PCDHA12: variants seen among roughly 807,000 people sequenced by gnomAD.
PCDHA12 encodes the protein protocadherin alpha 12.
PCDHA12 carries 44 observed loss-of-function variants against 60.0 expected under a neutral mutation model. That is an observed-to-expected ratio of 0.73 (90% CI 0.58 to 0.94). PCDHA12 has a LOEUF of 0.94. PCDHA12 is among the 40% of genes least tolerant of loss of function. The pLI, the probability that PCDHA12 is intolerant of heterozygous loss-of-function variation, is 0.00. For synonymous variants in PCDHA12, 569 were observed against 553.0 expected, an observed-to-expected ratio of 1.03 and a Z score of -0.40; for missense variants, 1,276 against 1,239.7, an observed-to-expected ratio of 1.03 and a Z score of -0.44.
At chr5:140,881,623 A>G (rs1179461885) in intron 1 of PCDHA12, among the ~76,000 whole-genome samples, 1 of 152,188 alleles carries the variant, frequency 6.6e-6, no homozygotes, top group East Asian at 1.9e-4. Flanking sequence ...TCAAAATCTG[A>G]TATATCAGTT....
chr5:140,915,283 C>T (rs1395177735), intron 1 of PCDHA12, among the ~76,000 whole-genome samples: 1 of 152,068 alleles, frequency 6.6e-6, no homozygotes, highest in African/African-American at 2.4e-5. Context: ...ATCATTTACT[C>T]TTTCTACTTA....
intron 1 of PCDHA12, chr5:140,966,660 A>G: frequency 8.2e-7 from 1 of 1,217,300 alleles, no homozygotes; most frequent in Non-Finnish European, 1.1e-6. Context: ...GCGGTGGGGG[A>G]GCAGGCGCAG....
intron 3 of PCDHA12, among the ~76,000 whole-genome samples, chr5:140,992,128 G>GACTGATGAT (rs2097493639): frequency 6.6e-6 from 1 of 151,816 alleles, no homozygotes; most frequent in Non-Finnish European, 1.5e-5. Context: ...GAAGAACAGT[G>GACTGATGAT]ACTGATGATG....
chr5:140,904,195 C>T (rs1554191353), intron 1 of PCDHA12, among the ~76,000 whole-genome samples: 1 of 151,930 alleles, frequency 6.6e-6, no homozygotes, highest in Admixed American at 6.6e-5. Context: ...CCCACCCTTT[C>T]CCCCTAAGTC....
chr5:140,875,521 T>C lies in PCDHA12; in HGVS notation c.49T>C (p.Ser17Pro), dbSNP rs2055562442. Residue 17 changes from serine (S) to proline (P), a missense_variant, in exon 1 of 4, where the codon TCG becomes CCG. Transcript: ENST00000398631. ...CCCGGGATCCCAGCGTCTGCTGCTC[T>C]CGCTTCTGCTCCTTGCAGCCTGGGA... ...RGPGSQRLLL[S>P]LLLLAAWEVG... 1.2e-6 allele frequency: 2 copies of C among 1,614,014 alleles called. No individual in the cohort carries two copies. The highest frequency in any genetic ancestry group is 1.7e-6 in the Non-Finnish European group (2 of 1,179,912).
chr5:140,965,954 C>A lies in PCDHA12; in HGVS notation c.2368-12995C>A, dbSNP rs567785452. Among the ~76,000 whole-genome samples the A allele has an allele frequency of 9.8e-4, 149 of 152,300 alleles. 1 individual carries two copies. The highest frequency in any genetic ancestry group is 1.7e-3 in the Non-Finnish European group (115 of 68,034). The stretch of plus-strand genomic sequence containing the variant: ...GGAAAGAGGGCAGCATTTGCCATCC[C>A]CCTCCTTTTGCCCTAGGAGTTGAGC... On this transcript the variant is annotated intron_variant, in intron 1 of 3. Coordinates refer to ENST00000398631, the MANE Select transcript of PCDHA12 (RefSeq NM_018903.4).
intron 1 of PCDHA12, among the ~76,000 whole-genome samples, chr5:140,924,668 G>T (rs2081943079): frequency 6.6e-6 from 1 of 152,142 alleles, no homozygotes; most frequent in Non-Finnish European, 1.5e-5. Context: ...GCCGAGGCAG[G>T]CCAATCACTT....
intron 1 of PCDHA12, among the ~76,000 whole-genome samples, chr5:140,977,356 T>C (rs1563455891): frequency 6.6e-6 from 1 of 152,250 alleles, no homozygotes; most frequent in African/African-American, 2.4e-5. Flanking sequence ...GACTGATTGA[T>C]AAAAAGTATT....
intron 1 of PCDHA12, chr5:140,926,614 C>A (rs2083406581): frequency 5.3e-6 from 2 of 377,642 alleles, no homozygotes; most frequent in Admixed American, 4.4e-5. Context: ...TCTCTGCACC[C>A]CTAGGCGGCG....
intron 1 of PCDHA12, among the ~76,000 whole-genome samples, chr5:140,950,049 CTATT>C (rs2094445672): frequency 1.3e-5 from 2 of 151,756 alleles, no homozygotes; most frequent in Non-Finnish European, 3.0e-5. Flanking sequence ...CCATATAAGA[CTATT>C]TAGCTCTTCC....
chr5:140,994,190 C>G (rs1377695035), intron 3 of PCDHA12, among the ~76,000 whole-genome samples: 1 of 152,136 alleles, frequency 6.6e-6, no homozygotes, highest in Non-Finnish European at 1.5e-5. Context: ...ACCACCAGGG[C>G]CTGTTGGTCC....
At chr5:140,961,888 T>C (rs1361187779) in intron 1 of PCDHA12, among the ~76,000 whole-genome samples, 8 of 124,918 alleles carry the variant, frequency 6.4e-5, no homozygotes, top group Non-Finnish European at 9.4e-5. Context: ...CTTACATCAG[T>C]TTTTTTTTTT....
intron 2 of PCDHA12, among the ~76,000 whole-genome samples, chr5:140,981,130 CAA>C (rs1267278229): frequency 6.6e-6 from 1 of 152,186 alleles, no homozygotes; most frequent in East Asian, 1.9e-4. Flanking sequence ...TGTTTGAAGT[CAA>C]AGAGTGAGAA....
At chr5:140,932,247 G>A (rs1463272112) in intron 1 of PCDHA12, among the ~76,000 whole-genome samples, 2 of 151,822 alleles carry the variant, frequency 1.3e-5, no homozygotes, top group Non-Finnish European at 3.0e-5. Context: ...ATCTAAGAGG[G>A]TACCTCTGAG....
chr5:140,967,240 C>T, intron 1 of PCDHA12: 1 of 1,613,644 alleles, frequency 6.2e-7, no homozygotes, highest in African/African-American at 1.3e-5. Flanking sequence ...TTCAGGTAAG[C>T]GAATCGGTGG....
At chr5:140,965,113 G>C (rs1343720863) in intron 1 of PCDHA12, among the ~76,000 whole-genome samples, 1 of 152,218 alleles carries the variant, frequency 6.6e-6, no homozygotes, top group Non-Finnish European at 1.5e-5. Context: ...ATGACCCATA[G>C]AGGAAGATCT....
rs782526620 is a variant in PCDHA12, at chr5:140,876,905, C to T, written c.1433C>T (p.Ser478Leu). The T allele has an allele frequency of 2.5e-6, 4 of 1,614,032 alleles. No homozygotes were observed. The highest frequency in any genetic ancestry group is 3.4e-6 in the Non-Finnish European group (4 of 1,179,960). Reference protein sequence around the residue: ...NPPGCHIFTVSAWDADAQKNA... With the variant: ...NPPGCHIFTVLAWDADAQKNA... Reference sequence around the variant, plus strand: ...CCGGGCTGCCACATCTTCACGGTGTCGGCATGGGACGCGGACGCGCAGAAG... The same window carrying T: ...CCGGGCTGCCACATCTTCACGGTGTTGGCATGGGACGCGGACGCGCAGAAG... Residue 478 changes from serine (S) to leucine (L), a missense_variant, in exon 1 of 4, where the codon TCG (serine) becomes TTG (leucine). By Grantham distance (145) the Ser-to-Leu change is moderately radical. Transcript: ENST00000398631.
chr5:140,905,771 G>A lies in PCDHA12; in HGVS notation c.2367+27932G>A, dbSNP rs112500166. ...TCACCTCCTTGGTTAAGTATATTCC[G>A]AAGTGTATTAGTCAGGGTTCTCTAG... is the stretch of plus-strand genomic sequence containing the variant. On this transcript the variant is annotated intron_variant, in intron 1 of 3. Coordinates refer to ENST00000398631, the MANE Select transcript of PCDHA12 (RefSeq NM_018903.4). Among the ~76,000 whole-genome samples the A allele has an allele frequency of 4.4e-3, 670 of 152,104 alleles. 7 individuals are homozygous for A. Among genetic ancestry groups the A allele is most frequent in the African/African-American group, 0.015 (623 of 41,484 alleles).
intron 2 of PCDHA12, among the ~76,000 whole-genome samples, chr5:140,980,956 C>T (rs2096912703): frequency 6.6e-6 from 1 of 152,110 alleles, no homozygotes; most frequent in Non-Finnish European, 1.5e-5. Flanking sequence ...AGGATAGTTA[C>T]ACCTTCATGA....
Sources: gnomAD v4.1 joint callset for allele counts (sites outside exome capture counted in the v4.1 genomes callset) on GRCh38, gnomAD v4.1.1 for gene constraint, MANE v1.5 for transcripts, NCBI Gene and HGNC (gene_info 2026-07-23, HGNC 2026-07-21) for gene names.